The following SPMAP2L variants were observed in gnomAD, a reference collection of about 807,000 sequenced individuals.
SPMAP2L encodes sperm microtubule associated protein 2 like, also known as sperm microtubule associated protein 2-like.
the SPMAP2L span, among the ~76,000 whole-genome samples, chr4:56,611,394 G>T: frequency 1.3e-5 from 2 of 152,164 alleles, no homozygotes; most frequent in Non-Finnish European, 1.5e-5. Flanking sequence ...AAAGGCATAA[G>T]AATGATACAG....
the SPMAP2L span, among the ~76,000 whole-genome samples, chr4:56,544,765 C>T: frequency 6.6e-6 from 1 of 152,220 alleles, no homozygotes; most frequent in South Asian, 2.1e-4. Flanking sequence ...GTCTGGAGCG[C>T]CACCTGGCCC....
chr4:56,616,710 C>T, the SPMAP2L span, among the ~76,000 whole-genome samples: 9 of 152,260 alleles, frequency 5.9e-5, no homozygotes, highest in Admixed American at 5.9e-4. Context: ...AAGAAGCACA[C>T]GGGGGCTTTC....
chr4:56,563,306 G>A, the SPMAP2L span, among the ~76,000 whole-genome samples: 1 of 147,578 alleles, frequency 6.8e-6, no homozygotes, highest in African/African-American at 2.5e-5. Flanking sequence ...GTTTCACCAT[G>A]ATGGCCAGGC....
chr4:56,573,061 C>T, the SPMAP2L span, among the ~76,000 whole-genome samples: 1 of 151,580 alleles, frequency 6.6e-6, no homozygotes, highest in Non-Finnish European at 1.5e-5. Flanking sequence ...ATTGACAGCG[C>T]TGTGAGACTT....
the SPMAP2L span, among the ~76,000 whole-genome samples, chr4:56,532,428 C>T: frequency 6.7e-6 from 1 of 149,778 alleles, no homozygotes; most frequent in Non-Finnish European, 1.5e-5. Context: ...ACTCTCATTT[C>T]CTGAAGAACT....
chr4:56,588,845 T>C, the SPMAP2L span, among the ~76,000 whole-genome samples: 1 of 152,356 alleles, frequency 6.6e-6, no homozygotes, highest in East Asian at 1.9e-4. Flanking sequence ...TACTTGTGGC[T>C]AGCCAATTAT....
At chr4:56,532,582 T>C in the SPMAP2L span, among the ~76,000 whole-genome samples, 33 of 152,164 alleles carry the variant, frequency 2.2e-4, no homozygotes, top group Admixed American at 2.1e-3. Flanking sequence ...TCCACCAGCA[T>C]CACCCCCATT....
the SPMAP2L span, among the ~76,000 whole-genome samples, chr4:56,602,032 C>T: frequency 6.6e-6 from 1 of 152,132 alleles, no homozygotes; most frequent in African/African-American, 2.4e-5. Flanking sequence ...ACTTATTTTT[C>T]AATAAATAGG....
At chr4:56,574,615 G>A in the SPMAP2L span, among the ~76,000 whole-genome samples, 2 of 152,090 alleles carry the variant, frequency 1.3e-5, no homozygotes, top group African/African-American at 4.8e-5. Context: ...TATTTATATA[G>A]ATGCTAAAGG....
the SPMAP2L span, chr4:56,557,892 A>G: frequency 3.3e-5 from 5 of 152,156 alleles, no homozygotes; most frequent in African/African-American, 1.2e-4. Flanking sequence ...AAAGTGGTAC[A>G]TTATCTGTTT....
chr4:56,575,391 A>G, the SPMAP2L span: 30 of 1,211,840 alleles, frequency 2.5e-5, no homozygotes, highest in African/African-American at 1.2e-4. Context: ...TAGATCATCA[A>G]TAATAAACTG....
At chr4:56,603,151 A>T in the SPMAP2L span, 1 of 1,261,802 alleles carries the variant, frequency 7.9e-7, no homozygotes, top group Non-Finnish European at 1.1e-6. Context: ...CTTGAGAAAC[A>T]TTAGCTACCT....
the SPMAP2L span, among the ~76,000 whole-genome samples, chr4:56,624,444 C>T: frequency 1.3e-5 from 2 of 152,144 alleles, no homozygotes; most frequent in Non-Finnish European, 2.9e-5. Context: ...AATGTTAATC[C>T]CCAAGACCAT....
the SPMAP2L span, among the ~76,000 whole-genome samples, chr4:56,618,339 C>T: frequency 1.3e-5 from 2 of 152,160 alleles, no homozygotes; most frequent in Non-Finnish European, 2.9e-5. Flanking sequence ...GCAGGCAGAA[C>T]CAGCACAAAA....
At chr4:56,596,500 A>T in the SPMAP2L span, 1 of 1,518,068 alleles carries the variant, frequency 6.6e-7, no homozygotes, top group Admixed American at 2.2e-5. Context: ...TCTCCCCTAG[A>T]TGCAAACCAA....
chr4:56,584,454 C>T, the SPMAP2L span: 85,625 of 1,295,856 alleles, frequency 0.066, 3,662 homozygotes, highest in East Asian at 0.24. Flanking sequence ...TGTTGTTTCT[C>T]CATCCAACAG....
the SPMAP2L span, among the ~76,000 whole-genome samples, chr4:56,542,627 C>A: frequency 6.6e-6 from 1 of 151,966 alleles, no homozygotes; most frequent in East Asian, 1.9e-4. Context: ...GTAAAATATC[C>A]CATATTGCAG....
At chr4:56,590,988 G>A in the SPMAP2L span, among the ~76,000 whole-genome samples, 97 of 152,224 alleles carry the variant, frequency 6.4e-4, no homozygotes, top group African/African-American at 2.3e-3. Context: ...ACAATACCTT[G>A]GTTTCTGTCT....
the SPMAP2L span, among the ~76,000 whole-genome samples, chr4:56,607,701 C>G: frequency 6.6e-6 from 1 of 152,056 alleles, no homozygotes; most frequent in Non-Finnish European, 1.5e-5. Context: ...GAAATATGGA[C>G]AGTAACCTGG....
Sources: gnomAD v4.1 joint callset for allele counts (sites outside exome capture counted in the v4.1 genomes callset) on GRCh38, gnomAD v4.1.1 for gene constraint, MANE v1.5 for transcripts, NCBI Gene and HGNC (gene_info 2026-07-23, HGNC 2026-07-21) for gene names.